TRIT1: variants seen among roughly 807,000 people sequenced by gnomAD.
TRIT1 encodes the protein tRNA isopentenyltransferase 1.
In TRIT1, 43 loss-of-function variants were observed where a neutral mutation model predicts 51.2. The observed-to-expected ratio is 0.84, with a 90% CI of 0.66 to 1.08. The LOEUF (loss-of-function observed/expected upper bound fraction) is 1.08, where lower values mean the gene tolerates loss of function less well. Among genes scored for constraint, TRIT1 ranks in the 50% least tolerant of loss-of-function variants. The pLI, the probability that TRIT1 is intolerant of heterozygous loss-of-function variation, is 0.00. For synonymous variants in TRIT1, 184 were observed against 203.9 expected (o/e 0.90, Z 0.83); for missense variants, 528 against 578.4 (o/e 0.91, Z 0.89).
At chr1:39,848,743 A>C (rs1189475010) in intron 5 of TRIT1, among the ~76,000 whole-genome samples, 3 of 151,604 alleles carry the variant, frequency 2.0e-5, no homozygotes, top group African/African-American at 4.9e-5. Context: ...GAATCGCTTG[A>C]ACCCGGGAGG....
Position 39,865,840 on chromosome 1 carries a change from C to T in TRIT1, c.175-8423G>A, listed in dbSNP as rs192235793. Among the ~76,000 whole-genome samples the T allele has an allele frequency of 1.8e-3, 228 of 128,050 alleles. 2 individuals carry two copies. The highest frequency in any genetic ancestry group is 6.3e-3 in the African/African-American group (211 of 33,724). The allele number at this position is 128,050 out of a possible 152,430, so 84.0% of individuals were successfully genotyped here. ...CTCCAGCCTGGGCAGCACAACGAGA[C>T]AAGAAAGAAAGGAAAGAAGAGAGTG... On this transcript the variant is annotated intron_variant, in intron 1 of 10. Transcript: ENST00000316891.
intron 1 of TRIT1, chr1:39,862,786 A>C (rs11581557): frequency 0.036 from 35,613 of 985,228 alleles, 2,098 homozygotes; most frequent in East Asian, 0.3. Flanking sequence ...TCTTACACTT[A>C]CCCTATTTTT....
At chr1:39,853,234 C>T (rs888704980) in intron 3 of TRIT1, among the ~76,000 whole-genome samples, 1 of 152,108 alleles carries the variant, frequency 6.6e-6, no homozygotes, top group African/African-American at 2.4e-5. Context: ...ACAGTCTTAC[C>T]CTACATAGTA....
intron 1 of TRIT1, among the ~76,000 whole-genome samples, chr1:39,861,851 G>A (rs1643262724): frequency 1.3e-5 from 2 of 151,304 alleles, no homozygotes; most frequent in Non-Finnish European, 2.9e-5. Flanking sequence ...TTGAACCTAG[G>A]AGGCAGAGGT....
chr1:39,869,179 T>C (rs1382847569), intron 1 of TRIT1, among the ~76,000 whole-genome samples: 6 of 148,162 alleles, frequency 4.0e-5, no homozygotes, highest in African/African-American at 1.5e-4. Flanking sequence ...AGTGCCGCCA[T>C]CTCGGCTCAC....
At chr1:39,879,747 C>A (rs1644187425) in intron 1 of TRIT1, among the ~76,000 whole-genome samples, 1 of 151,600 alleles carries the variant, frequency 6.6e-6, no homozygotes, top group South Asian at 2.1e-4. Flanking sequence ...GTGGTACATG[C>A]CTGTAGTCCC....
chr1:39,870,450 A>C (rs1643830263), intron 1 of TRIT1, among the ~76,000 whole-genome samples: 1 of 145,802 alleles, frequency 6.9e-6, no homozygotes, highest in Non-Finnish European at 1.5e-5. Flanking sequence ...TCCCTCCACT[A>C]TTGTCCTATG....
rs772543297 is a variant in TRIT1 at position 39,883,471 on chromosome 1, T to C, written c.21A>G (p.Ala7=). Residue 7 remains alanine, a synonymous_variant, in exon 1 of 11, where the codon GCA becomes GCG. Transcript: ENST00000316891. MASVAA[A]RAVPVGSGLR... ...GCCCACTGCCCACGGGAACTGCTCG[T>C]GCAGCCGCCACGGACGCCATCTTAT... is the stretch of plus-strand genomic sequence containing the variant. 2.1e-5 allele frequency: 34 copies of C among 1,596,062 alleles called. No individual in the cohort carries two copies. The highest frequency in any genetic ancestry group is 3.3e-5 in the South Asian group (3 of 90,712).
intron 1 of TRIT1, among the ~76,000 whole-genome samples, chr1:39,868,696 C>A (rs893311970): frequency 6.6e-6 from 1 of 150,854 alleles, no homozygotes; most frequent in Non-Finnish European, 1.5e-5. Flanking sequence ...AACAACCCCA[C>A]TCCCGTGGGC....
chr1:39,873,795 G>A (rs12136268), intron 1 of TRIT1, among the ~76,000 whole-genome samples: 11,847 of 152,152 alleles, frequency 0.078, 609 homozygotes, highest in South Asian at 0.12. Context: ...AGGCAGAGAC[G>A]GATGGATCAC....
At chr1:39,842,057 C>CT in intron 10 of TRIT1, 144 bp from the exon 11 acceptor site, 2 of 911,042 alleles carry the variant, frequency 2.2e-6, no homozygotes, top group East Asian at 5.5e-5. Flanking sequence ...AGTATAGCTG[C>CT]TTAGCATTTT....
intron 3 of TRIT1, 55 bp downstream of exon 3, chr1:39,853,915 A>G (rs2294814): frequency 5.7e-6 from 7 of 1,222,780 alleles, no homozygotes; most frequent in Admixed American, 2.0e-5. Flanking sequence ...CTGAAATTAG[A>G]CAGCAAGAAA....
At chr1:39,851,440 T>C (rs920419392) in intron 4 of TRIT1, among the ~76,000 whole-genome samples, 2 of 152,138 alleles carry the variant, frequency 1.3e-5, no homozygotes, top group Admixed American at 1.3e-4. Context: ...AAAATGAATG[T>C]TTATCATAAT....
intron 1 of TRIT1, among the ~76,000 whole-genome samples, chr1:39,868,505 G>A (rs1463440967): frequency 3.3e-5 from 5 of 152,126 alleles, no homozygotes; most frequent in Admixed American, 1.3e-4. Context: ...TTAGCCAGGC[G>A]TGCTGGCAAG....
At position 39,866,059 on chromosome 1, in the gene TRIT1, AAGAGGGAG is replaced by A; in HGVS notation, c.175-8650_175-8643del. ...AAGAAAAGAAAAAGAAAAGAAAGGGAAGAGGGAGAGAGGGAGGGAGGGAAGGAAAGAAG... is the reference window on the plus strand; with the variant it reads ...AAGAAAAGAAAAAGAAAAGAAAGGGAAGAGGGAGGGAGGGAAGGAAAGAAG... On this transcript the variant is annotated intron_variant, in intron 1 of 10. Transcript: ENST00000316891. 2.1e-5 allele frequency among the ~76,000 whole-genome samples: 3 copies of A among 145,742 alleles called. No individual in the cohort carries two copies. In the South Asian group the frequency reaches 6.8e-4, roughly 33 times the overall value.
chr1:39,864,765 T>G (rs1643443342), intron 1 of TRIT1, among the ~76,000 whole-genome samples: 1 of 152,166 alleles, frequency 6.6e-6, no homozygotes, highest in African/African-American at 2.4e-5. Context: ...GCTGCCTTGC[T>G]GTAGGGTGGC....
rs936817665 is a variant in TRIT1, at chr1:39,862,820, T to C, written c.175-5403A>G. On this transcript the variant is annotated intron_variant, in intron 1 of 10. Transcript: ENST00000316891. ...TTCAGCTTCAATTACAGTTTCAGCATCACTCTACCTACAATCAGCCTGAAT... is the reference window on the plus strand; with the variant it reads ...TTCAGCTTCAATTACAGTTTCAGCACCACTCTACCTACAATCAGCCTGAAT... 5 of 985,330 alleles carry C rather than the reference T, an allele frequency of 5.1e-6. No individual in the cohort carries two copies. In the East Asian group the frequency reaches 5.7e-4, roughly 112 times the overall value. 61.0% of individuals were successfully genotyped at this position (985,330 alleles called of 1,614,324 possible). A position where few individuals can be genotyped will look rare whatever the true frequency, so the allele number is the denominator to read the frequency against.
At chr1:39,856,081 T>A (rs1027077359) in intron 2 of TRIT1, among the ~76,000 whole-genome samples, 1 of 151,950 alleles carries the variant, frequency 6.6e-6, no homozygotes, top group Non-Finnish European at 1.5e-5. Context: ...CCGAGGCAGG[T>A]GGATCACGAG....
chr1:39,881,324 T>C (rs16826649), intron 1 of TRIT1, among the ~76,000 whole-genome samples: 3,247 of 152,198 alleles, frequency 0.021, 67 homozygotes, highest in East Asian at 0.11. Context: ...CTGAAACTCT[T>C]ATTACTTAAG....
Sources: allele counts gnomAD v4.1 joint callset (sites outside exome capture counted in the v4.1 genomes callset), GRCh38; gene constraint gnomAD v4.1.1; transcripts MANE v1.5; gene names NCBI Gene and HGNC (gene_info 2026-07-23, HGNC 2026-07-21).